NBAS: variants seen among roughly 807,000 people sequenced by gnomAD.
NBAS encodes NBAS subunit of NRZ tethering complex, also known as NAG/BC035112 fusion.
A neutral mutation model predicts 302.5 loss-of-function variants in NBAS; 219 were observed. That is an observed-to-expected ratio of 0.72 (90% CI 0.65 to 0.81). NBAS has a LOEUF of 0.81. Among genes scored for constraint, NBAS ranks in the 30% least tolerant of loss-of-function variants. The probability of loss-of-function intolerance (pLI) is 0.00; values close to 1 mark genes in which losing one functional copy is unlikely to be tolerated. For missense variants in NBAS, 2,932 were observed against 2,841.6 expected, an observed-to-expected ratio of 1.03 and a Z score of -0.72; for synonymous variants, 1,118 against 1,021.6, an observed-to-expected ratio of 1.09 and a Z score of -1.80.
chr2:15,551,682 C>A, intron 5 of NBAS, 146 bp from the exon 6 acceptor site: 1 of 599,452 alleles, frequency 1.7e-6, no homozygotes, highest in Non-Finnish European at 3.0e-6. Flanking sequence ...TCAATTATGA[C>A]CCTTTTGTCA....
intron 47 of NBAS, among the ~76,000 whole-genome samples, chr2:15,219,255 G>A (rs1473179881): frequency 6.6e-6 from 1 of 151,264 alleles, no homozygotes; most frequent in Non-Finnish European, 1.5e-5. Context: ...TAAGTAGTAA[G>A]GTTTATTTCT....
At chr2:14,916,907 T>C in the NBAS span, among the ~76,000 whole-genome samples, 6 of 152,222 alleles carry the variant, frequency 3.9e-5, no homozygotes, top group Non-Finnish European at 7.3e-5. Context: ...GTGGGCCAGA[T>C]TGTAACATCT....
the NBAS span, among the ~76,000 whole-genome samples, chr2:15,121,154 T>C: frequency 1.3e-5 from 2 of 152,236 alleles, no homozygotes; most frequent in South Asian, 4.1e-4. Flanking sequence ...GAGCTGAGTT[T>C]TCCTCATGGG....
chr2:15,249,847 T>C (rs1213897894), intron 44 of NBAS, among the ~76,000 whole-genome samples: 1 of 151,992 alleles, frequency 6.6e-6, no homozygotes. Context: ...TGCTCATGGA[T>C]AGGAAGAATC....
At chr2:15,424,152 G>A (rs900731416) in intron 23 of NBAS, among the ~76,000 whole-genome samples, 163 bp downstream of exon 23, 5 of 152,180 alleles carry the variant, frequency 3.3e-5, no homozygotes, top group African/African-American at 7.2e-5. Flanking sequence ...GCCACAAAAC[G>A]TTCTAATGCA....
chr2:14,974,764 C>G, the NBAS span, among the ~76,000 whole-genome samples: 467 of 152,274 alleles, frequency 3.1e-3, 1 homozygote, highest in African/African-American at 0.011. Flanking sequence ...TTCATACACC[C>G]TAATCCCTGG....
rs1312262004 is a variant in NBAS at position 15,366,663 on chromosome 2, A to G, written c.3734T>C (p.Ile1245Thr). 6.2e-7 allele frequency: 1 copy of G among 1,614,084 alleles called. No homozygotes were observed. The highest frequency in any genetic ancestry group is 8.5e-7 in the Non-Finnish European group (1 of 1,179,980). Residue 1245 changes from isoleucine (I) to threonine (T), a missense_variant, in exon 32 of 52, where the codon ATC becomes ACC. Transcript: ENST00000281513. Reference protein sequence around the residue: ...VRLCPDRISLIKECISQSPTC... With the variant: ...VRLCPDRISLTKECISQSPTC... ...GGGGGACTGGGAAATACACTCCTTGATGAGACTGATCCGATCAGGGCACAA... is the reference window on the plus strand; with the variant it reads ...GGGGGACTGGGAAATACACTCCTTGGTGAGACTGATCCGATCAGGGCACAA...
chr2:14,844,030 C>T, the NBAS span, among the ~76,000 whole-genome samples: 1 of 152,240 alleles, frequency 6.6e-6, no homozygotes, highest in South Asian at 2.1e-4. Context: ...AGCCAGTGAA[C>T]TTAGGGGGCA....
chr2:15,058,621 G>A, the NBAS span, among the ~76,000 whole-genome samples: 1 of 152,140 alleles, frequency 6.6e-6, no homozygotes, highest in Admixed American at 6.5e-5. Flanking sequence ...TCTAATCTAG[G>A]TTATTGTACT....
chr2:14,806,092 C>G, the NBAS span, among the ~76,000 whole-genome samples: 2 of 152,166 alleles, frequency 1.3e-5, no homozygotes, highest in Non-Finnish European at 2.9e-5. Context: ...TCCTGGGGAG[C>G]TTGTTAAAAC....
At position 15,529,861 on chromosome 2, in the gene NBAS, G is replaced by A. The variant is rs184698206; in HGVS notation, c.746+4682C>T. On this transcript the variant is annotated intron_variant, in intron 9 of 51. Coordinates refer to ENST00000281513, the MANE Select transcript of NBAS (RefSeq NM_015909.4). ...AAGAATTTGACAAAAAATCAAAATG[G>A]CATGATTTTATAATTGTAATATGTT... Among the ~76,000 whole-genome samples the A allele has an allele frequency of 3.9e-5, 6 of 152,146 alleles. No individual in the cohort carries two copies. The East Asian group carries it at 1.2e-3, about 29-fold the overall frequency.
intron 25 of NBAS, among the ~76,000 whole-genome samples, chr2:15,410,542 C>T (rs571259215): frequency 6.6e-6 from 1 of 152,162 alleles, no homozygotes; most frequent in Admixed American, 6.5e-5. Flanking sequence ...AAAAAGTCAA[C>T]ACTGATACAT....
At chr2:15,440,557 GA>G (rs1269317019) in intron 21 of NBAS, among the ~76,000 whole-genome samples, 4 of 152,216 alleles carry the variant, frequency 2.6e-5, no homozygotes, top group African/African-American at 9.6e-5. Context: ...CAAAGATGGG[GA>G]AAAAACAGAG....
the NBAS span, among the ~76,000 whole-genome samples, chr2:14,973,879 G>C: frequency 6.6e-6 from 1 of 152,262 alleles, no homozygotes; most frequent in South Asian, 2.1e-4. Flanking sequence ...ACTCGTTCAA[G>C]TCCTGACAAA....
chr2:14,991,372 A>G, the NBAS span, among the ~76,000 whole-genome samples: 1 of 152,150 alleles, frequency 6.6e-6, no homozygotes, highest in Admixed American at 6.5e-5. Flanking sequence ...CCCACGTTGG[A>G]GGGAACTAAG....
the NBAS span, among the ~76,000 whole-genome samples, chr2:14,783,194 C>T: frequency 2.0e-5 from 3 of 152,092 alleles, no homozygotes; most frequent in African/African-American, 7.2e-5. Context: ...GGCAAATTGA[C>T]TATGAATGAA....
chr2:15,160,980 T>C, the NBAS span, among the ~76,000 whole-genome samples: 4 of 152,326 alleles, frequency 2.6e-5, no homozygotes, highest in South Asian at 8.3e-4. Flanking sequence ...TACAAGGAGA[T>C]AACTGGATGC....
At chr2:15,445,921 T>TA (rs1224258034) in intron 21 of NBAS, among the ~76,000 whole-genome samples, 3 of 134,414 alleles carry the variant, frequency 2.2e-5, no homozygotes, top group African/African-American at 8.3e-5. Context: ...AAAAAAAAAA[T>TA]ACACTGAAGG....
At chr2:14,838,793 T>C in the NBAS span, among the ~76,000 whole-genome samples, 3 of 152,038 alleles carry the variant, frequency 2.0e-5, no homozygotes, top group South Asian at 6.2e-4. Flanking sequence ...ACCACACACA[T>C]AACTTTAAGT....
Sources: gnomAD v4.1 joint callset for allele counts (sites outside exome capture counted in the v4.1 genomes callset) on GRCh38, gnomAD v4.1.1 for gene constraint, MANE v1.5 for transcripts, NCBI Gene and HGNC (gene_info 2026-07-23, HGNC 2026-07-21) for gene names.